Variants in THSD7B observed in about 807,000 individuals in gnomAD.
THSD7B encodes thrombospondin type-1 domain-containing protein 7B.
THSD7B carries 138 observed loss-of-function variants against 213.6 expected under a neutral mutation model. The ratio of observed to expected loss-of-function variants is 0.65; its 90% CI spans 0.56 to 0.74. The LOEUF (loss-of-function observed/expected upper bound fraction) is 0.74, where lower values mean the gene tolerates loss of function less well. Ranked by LOEUF, THSD7B falls within the 30% of genes least tolerant of loss-of-function variation. The probability of loss-of-function intolerance (pLI) is 0.00; values close to 1 mark genes in which losing one functional copy is unlikely to be tolerated. For synonymous variants in THSD7B, 742 were observed against 687.0 expected (o/e 1.08, Z -1.25); for missense variants, 1,931 against 1,991.5 (o/e 0.97, Z 0.58).
intron 2 of THSD7B, among the ~76,000 whole-genome samples, chr2:136,884,679 A>G (rs1394172310): frequency 6.6e-6 from 1 of 152,238 alleles, no homozygotes; most frequent in Non-Finnish European, 1.5e-5. Flanking sequence ...GCTTTCTGCA[A>G]CTATCTTTGA....
chr2:136,795,737 CCTCT>C (rs1344648226), intron 1 of THSD7B, among the ~76,000 whole-genome samples: 3 of 151,840 alleles, frequency 2.0e-5, no homozygotes, highest in African/African-American at 7.3e-5. Context: ...CACTCCAACC[CCTCT>C]CTCTTGCCTT....
At chr2:136,871,133 T>G (rs564373470) in intron 1 of THSD7B, among the ~76,000 whole-genome samples, 30 of 152,242 alleles carry the variant, frequency 2.0e-4, no homozygotes, top group Admixed American at 1.6e-3. Context: ...GTCGGGGAGA[T>G]CCGGTCTGTG....
In THSD7B at chr2:137,020,128, T is replaced by C. The variant is rs538370164; in HGVS notation, c.140-36292T>C. Among the ~76,000 whole-genome samples the C allele has an allele frequency of 3.9e-5, 6 of 152,276 alleles. No individual in the cohort carries two copies. In the South Asian group the frequency reaches 1.0e-3, roughly 26 times the overall value. ...GAAGGCAAGGTCATTAACAGCTGGGTTGGATTTCCAGGCAGTGTGGTTCTA... is the reference window on the plus strand; with the variant it reads ...GAAGGCAAGGTCATTAACAGCTGGGCTGGATTTCCAGGCAGTGTGGTTCTA... On this transcript the variant is annotated intron_variant, in intron 2 of 27. Transcript: ENST00000409968.
intron 4 of THSD7B, among the ~76,000 whole-genome samples, chr2:137,107,807 G>A (rs192160932): frequency 1.5e-3 from 221 of 152,286 alleles, no homozygotes; most frequent in African/African-American, 5.1e-3. Flanking sequence ...TAATACATGT[G>A]TGGAGTTTGG....
rs142551457 is a variant in THSD7B at position 137,089,820 on chromosome 2, C to A, written c.951-5053C>A. Among the ~76,000 whole-genome samples, 68 of 152,088 alleles carry A rather than the reference C, an allele frequency of 4.5e-4. No homozygotes were observed. In the East Asian group the frequency reaches 0.013, roughly 29 times the overall value. On this transcript the variant is annotated intron_variant, in intron 3 of 27. Coordinates refer to ENST00000409968, the MANE Select transcript of THSD7B (RefSeq NM_001316349.2). ...GGTCAGGAATTTGAGACCAGCCTGG[C>A]CAACAGGGTGAAGCCCAGCTCTAAT...
chr2:137,284,247 C>A (rs780713393), intron 12 of THSD7B, among the ~76,000 whole-genome samples: 32 of 152,008 alleles, frequency 2.1e-4, no homozygotes, highest in Non-Finnish European at 4.3e-4. Flanking sequence ...ATGGTGATAT[C>A]CCCTTTGTCA....
intron 15 of THSD7B, among the ~76,000 whole-genome samples, chr2:137,509,992 A>G (rs1489514606): frequency 6.6e-6 from 1 of 151,428 alleles, no homozygotes; most frequent in Non-Finnish European, 1.5e-5. Flanking sequence ...TTCTCCCTTT[A>G]TTTTCAACCT....
intron 18 of THSD7B, 53 bp from the exon 19 acceptor site, chr2:137,618,339 T>G: frequency 7.1e-7 from 1 of 1,413,146 alleles, no homozygotes; most frequent in East Asian, 2.3e-5. Context: ...TGTTGTATTT[T>G]GCTCACATGG....
At chr2:136,954,714 C>CA (rs11378111) in intron 2 of THSD7B, among the ~76,000 whole-genome samples, 59,290 of 89,380 alleles carry the variant, frequency 0.66, 19,684 homozygotes, top group Non-Finnish European at 0.72. Context: ...GACTCTGTCT[C>CA]AAAAAAAAAA....
chr2:137,045,848 T>A (rs1351374212), intron 2 of THSD7B, among the ~76,000 whole-genome samples: 3 of 152,022 alleles, frequency 2.0e-5, no homozygotes, highest in Non-Finnish European at 4.4e-5. Flanking sequence ...GAAGAAGGGA[T>A]CTATAGAGTT....
intron 15 of THSD7B, among the ~76,000 whole-genome samples, chr2:137,557,377 G>A (rs535904950): frequency 6.6e-6 from 1 of 152,240 alleles, no homozygotes; most frequent in South Asian, 2.1e-4. Flanking sequence ...TAGAACTCAG[G>A]ATTAAGAAAC....
rs143001962 is a variant in THSD7B, at chr2:137,536,252, G to A, written c.3139-26969G>A. ...AACAGACTCAGACTCAGACTTTCCCGTTTGGAAAATAGGACACATATATAA... is the reference window on the plus strand; with the variant it reads ...AACAGACTCAGACTCAGACTTTCCCATTTGGAAAATAGGACACATATATAA... On this transcript the variant is annotated intron_variant, in intron 15 of 27. Transcript: ENST00000409968. Among the ~76,000 whole-genome samples, 109 of 151,126 alleles carry A rather than the reference G, an allele frequency of 7.2e-4. No individual in the cohort carries two copies. The South Asian group carries it at 0.015, about 20-fold the overall frequency.
intron 15 of THSD7B, among the ~76,000 whole-genome samples, chr2:137,520,334 C>T (rs563872664): frequency 7.9e-5 from 12 of 152,116 alleles, no homozygotes; most frequent in African/African-American, 2.2e-4. Flanking sequence ...ATTTGTATAA[C>T]GAATAGAATT....
At chr2:137,600,032 T>G (rs9287477) in intron 17 of THSD7B, among the ~76,000 whole-genome samples, 1 of 152,096 alleles carries the variant, frequency 6.6e-6, no homozygotes, top group Non-Finnish European at 1.5e-5. Flanking sequence ...TCCACCTCCT[T>G]CTCTGCCTCC....
At chr2:137,091,730 A>G (rs573780530) in intron 3 of THSD7B, among the ~76,000 whole-genome samples, 2 of 152,172 alleles carry the variant, frequency 1.3e-5, no homozygotes, top group East Asian at 3.9e-4. Context: ...GGCCTACCCT[A>G]TGCTTTATTT....
At chr2:137,302,256 A>G (rs1683623776) in intron 12 of THSD7B, among the ~76,000 whole-genome samples, 1 of 151,716 alleles carries the variant, frequency 6.6e-6, no homozygotes, top group Non-Finnish European at 1.5e-5. Context: ...GACTGAAACA[A>G]GGCTAAGAGA....
At chr2:136,868,119 C>T (rs989328877) in intron 1 of THSD7B, among the ~76,000 whole-genome samples, 2 of 143,600 alleles carry the variant, frequency 1.4e-5, no homozygotes, top group East Asian at 2.0e-4. Flanking sequence ...CACACGCGCG[C>T]GCACACACAC....
Position 137,580,780 on chromosome 2 carries a change from GT to G in THSD7B, c.3423+8225del, listed in dbSNP as rs545040742. On this transcript the variant is annotated intron_variant, in intron 17 of 27. Transcript: ENST00000409968. ...ACTTCGGTGAAGTGAGAGCAGGCAG[GT>G]CACATAGCTAGAACAGGAGCAAGAG... is the stretch of plus-strand genomic sequence containing the variant. Among the ~76,000 whole-genome samples, 384 of 152,280 alleles carry G rather than the reference GT, an allele frequency of 2.5e-3. 3 individuals are homozygous for G. The highest frequency in any genetic ancestry group is 8.7e-3 in the African/African-American group (363 of 41,552).
intron 15 of THSD7B, among the ~76,000 whole-genome samples, chr2:137,465,865 G>A (rs1251796988): frequency 2.0e-5 from 3 of 152,118 alleles, no homozygotes; most frequent in Admixed American, 6.6e-5. Context: ...AACTGAACCT[G>A]AAGCTTCCAA....
Sources: allele counts gnomAD v4.1 joint callset (sites outside exome capture counted in the v4.1 genomes callset), GRCh38; gene constraint gnomAD v4.1.1; transcripts MANE v1.5; gene names NCBI Gene and HGNC (gene_info 2026-07-23, HGNC 2026-07-21).